The following ZNF536 variants were observed in gnomAD, a reference collection of about 807,000 sequenced individuals.
ZNF536 encodes zinc finger protein 536.
ZNF536 carries 13 observed loss-of-function variants against 84.5 expected under a neutral mutation model. That is an observed-to-expected ratio of 0.15 (90% CI 0.10 to 0.24). The LOEUF (loss-of-function observed/expected upper bound fraction) is 0.24. ZNF536 is among the 10% of genes least tolerant of loss of function. The pLI, the probability that ZNF536 is intolerant of heterozygous loss-of-function variation, is 1.00. For missense variants in ZNF536, 1,536 were observed against 1,747.5 expected, an observed-to-expected ratio of 0.88 and a Z score of 2.16; for synonymous variants, 811 against 742.5, an observed-to-expected ratio of 1.09 and a Z score of -1.50.
At chr19:30,603,216 C>A (rs553867953) in intron 1 of ZNF536, among the ~76,000 whole-genome samples, 34 of 152,304 alleles carry the variant, frequency 2.2e-4, no homozygotes, top group Non-Finnish European at 4.7e-4. Flanking sequence ...ATCCCCGAAT[C>A]CCCCAGGTCT....
intron 1 of ZNF536, among the ~76,000 whole-genome samples, chr19:30,641,946 G>A (rs566054811): frequency 2.6e-5 from 4 of 152,148 alleles, no homozygotes; most frequent in Non-Finnish European, 5.9e-5. Context: ...ATAATAGTAC[G>A]AGCCAAAGGA....
chr19:30,542,786 C>G (rs1282393170), intron 3 of ZNF536, among the ~76,000 whole-genome samples: 2 of 152,156 alleles, frequency 1.3e-5, no homozygotes, highest in Non-Finnish European at 2.9e-5. Flanking sequence ...AATTAAGATA[C>G]TGCACACAGA....
chr19:30,381,792 G>A (rs952252166), intron 1 of ZNF536, among the ~76,000 whole-genome samples: 2 of 152,292 alleles, frequency 1.3e-5, no homozygotes, highest in East Asian at 1.9e-4. Context: ...GGACAGAAGC[G>A]TTCAGAGTCT....
chr19:30,365,465 C>T (rs553151399), intron 3 of ZNF536, among the ~76,000 whole-genome samples: 2 of 152,334 alleles, frequency 1.3e-5, no homozygotes, highest in African/African-American at 4.8e-5. Context: ...AGGAGTATTT[C>T]CTGCTTCCCA....
At chr19:30,546,822 G>A (rs946700417) in intron 3 of ZNF536, among the ~76,000 whole-genome samples, 1 of 152,146 alleles carries the variant, frequency 6.6e-6, no homozygotes, top group African/African-American at 2.4e-5. Flanking sequence ...CCTTTTGATT[G>A]CAAAGTCTGG....
chr19:30,306,106 A>C (rs2046335475), intron 2 of ZNF536, among the ~76,000 whole-genome samples: 1 of 152,004 alleles, frequency 6.6e-6, no homozygotes, highest in South Asian at 2.1e-4. Flanking sequence ...CCTTATTGGC[A>C]GTTTTAATTC....
At chr19:30,262,643 T>C (rs2025287469) in intron 1 of ZNF536, among the ~76,000 whole-genome samples, 2 of 152,164 alleles carry the variant, frequency 1.3e-5, no homozygotes, top group African/African-American at 4.8e-5. Flanking sequence ...TGGAATGCTA[T>C]GGCATCCTTG....
chr19:30,464,359 G>A (rs538117043), intron 2 of ZNF536, among the ~76,000 whole-genome samples: 2 of 152,298 alleles, frequency 1.3e-5, no homozygotes, highest in East Asian at 1.9e-4. Context: ...ACCAGACGGC[G>A]CTGGGCCCTC....
intron 2 of ZNF536, among the ~76,000 whole-genome samples, chr19:30,492,238 C>G (rs531237893): frequency 1.9e-4 from 29 of 152,322 alleles, no homozygotes; most frequent in Admixed American, 1.3e-3. Context: ...TCCCCTTTCT[C>G]TCCATTTCTG....
intron 2 of ZNF536, among the ~76,000 whole-genome samples, chr19:30,455,099 C>T (rs542107402): frequency 2.6e-5 from 4 of 152,236 alleles, no homozygotes; most frequent in South Asian, 2.1e-4. Context: ...CCACGAGTCC[C>T]GTTCACTGAC....
chr19:30,697,359 T>C (rs1030470211), intron 1 of ZNF536, among the ~76,000 whole-genome samples: 2 of 152,222 alleles, frequency 1.3e-5, no homozygotes, highest in African/African-American at 4.8e-5. Context: ...ATTTCAGCAT[T>C]GGCAGAGGAA....
chr19:30,697,736 G>A (rs2051721860), intron 1 of ZNF536, among the ~76,000 whole-genome samples: 1 of 152,188 alleles, frequency 6.6e-6, no homozygotes, highest in Non-Finnish European at 1.5e-5. Context: ...TAGCAGGGCA[G>A]TGGCGATTTC....
At chr19:30,667,454 C>T (rs2050372419) in intron 1 of ZNF536, among the ~76,000 whole-genome samples, 1 of 152,036 alleles carries the variant, frequency 6.6e-6, no homozygotes, top group Admixed American at 6.5e-5. Context: ...CTGTGTCCAT[C>T]CGGGAGGCCT....
intron 2 of ZNF536, among the ~76,000 whole-genome samples, chr19:30,285,076 A>G (rs1405547469): frequency 1.3e-5 from 2 of 152,198 alleles, no homozygotes; most frequent in African/African-American, 4.8e-5. Flanking sequence ...AATCCTTTTC[A>G]GTGGGGCTGT....
chr19:30,641,108 C>G (rs1006269870), intron 1 of ZNF536, among the ~76,000 whole-genome samples: 1 of 152,146 alleles, frequency 6.6e-6, no homozygotes, highest in South Asian at 2.1e-4. Flanking sequence ...TTACCATGTT[C>G]GTGAGATAAA....
At chr19:30,373,643 G>A (rs984514486) in intron 1 of ZNF536, among the ~76,000 whole-genome samples, 1 of 152,146 alleles carries the variant, frequency 6.6e-6, no homozygotes, top group Non-Finnish European at 1.5e-5. Flanking sequence ...GAACGAAGGC[G>A]TCCTCAATGA....
At chr19:30,614,187 G>A (rs2048201272) in intron 1 of ZNF536, among the ~76,000 whole-genome samples, 1 of 152,082 alleles carries the variant, frequency 6.6e-6, no homozygotes, top group African/African-American at 2.4e-5. Flanking sequence ...TCTGTATATT[G>A]TGCATATTTT....
At chr19:30,505,532 A>T (rs963480754) in intron 2 of ZNF536, among the ~76,000 whole-genome samples, 23 of 150,764 alleles carry the variant, frequency 1.5e-4, no homozygotes, top group Non-Finnish European at 5.9e-5. Flanking sequence ...AAGATGTTTG[A>T]CCAAGGATAT....
chr19:30,248,584 T>C (rs1383021120), intron 1 of ZNF536, among the ~76,000 whole-genome samples: 1 of 152,084 alleles, frequency 6.6e-6, no homozygotes, highest in Non-Finnish European at 1.5e-5. Context: ...GGGGAGATGT[T>C]CTTGAAAGGT....
Sources: allele counts gnomAD v4.1 joint callset (sites outside exome capture counted in the v4.1 genomes callset), GRCh38; gene constraint gnomAD v4.1.1; transcripts MANE v1.5; gene names NCBI Gene and HGNC (gene_info 2026-07-23, HGNC 2026-07-21).